Variants in DAB1 observed in about 807,000 individuals in gnomAD.
DAB1 encodes disabled homolog 1.
A neutral mutation model predicts 64.6 loss-of-function variants in DAB1; 15 were observed. The ratio of observed to expected loss-of-function variants is 0.23; its 90% CI spans 0.16 to 0.36. The LOEUF is 0.36. Among genes scored for constraint, DAB1 ranks in the 10% least tolerant of loss-of-function variants. The pLI, the probability that DAB1 is intolerant of heterozygous loss-of-function variation, is 1.00. For synonymous variants in DAB1, 235 were observed against 251.9 expected (o/e 0.93, Z 0.64); for missense variants, 596 against 706.7 (o/e 0.84, Z 1.78).
chr1:57,118,480 G>A (rs1444949666), intron 4 of DAB1, among the ~76,000 whole-genome samples: 2 of 152,108 alleles, frequency 1.3e-5, no homozygotes, highest in African/African-American at 4.8e-5. Flanking sequence ...AACAGACTGG[G>A]AGACTAACAG....
At chr1:57,862,461 C>A (rs1040065912) in intron 1 of DAB1, 1 of 151,802 alleles carries the variant, frequency 6.6e-6, no homozygotes, top group Non-Finnish European at 1.5e-5. Flanking sequence ...TCTAGGAATA[C>A]GAAGGGAGAA....
At chr1:57,816,029 T>C (rs998312914) in intron 6 of DAB1, among the ~76,000 whole-genome samples, 1 of 152,194 alleles carries the variant, frequency 6.6e-6, no homozygotes, top group Non-Finnish European at 1.5e-5. Flanking sequence ...ATCTGGATGA[T>C]ATTGAGGGAG....
At chr1:57,765,031 C>A (rs1649248941) in intron 6 of DAB1, among the ~76,000 whole-genome samples, 2 of 152,084 alleles carry the variant, frequency 1.3e-5, no homozygotes, top group African/African-American at 4.8e-5. Flanking sequence ...TTTTACACAA[C>A]AAATTAGTAA....
At chr1:57,144,325 A>G (rs1025032833) in intron 3 of DAB1, among the ~76,000 whole-genome samples, 1 of 152,150 alleles carries the variant, frequency 6.6e-6, no homozygotes, top group Non-Finnish European at 1.5e-5. Context: ...TATGGACATC[A>G]GAATCTGAGA....
At chr1:57,885,203 C>A (rs1475020361), upstream of DAB1, among the ~76,000 whole-genome samples, 1 of 152,114 alleles carries the variant, frequency 6.6e-6, no homozygotes, top group Non-Finnish European at 1.5e-5. Flanking sequence ...TTAAGCATAG[C>A]TTTTAGTTTT....
intron 5 of DAB1, among the ~76,000 whole-genome samples, chr1:58,004,121 A>C (rs1256716454): frequency 6.6e-6 from 1 of 152,204 alleles, no homozygotes; most frequent in Admixed American, 6.6e-5. Flanking sequence ...GGTGACCAGA[A>C]GTAACACCTC....
intron 3 of DAB1, among the ~76,000 whole-genome samples, chr1:58,493,357 A>T (rs1645734505): frequency 6.6e-6 from 1 of 152,188 alleles, no homozygotes; most frequent in Non-Finnish European, 1.5e-5. Context: ...AAACTGGCAC[A>T]AGACAGGGAT....
At chr1:58,032,446 G>A (rs912574180) in intron 5 of DAB1, among the ~76,000 whole-genome samples, 4 of 152,160 alleles carry the variant, frequency 2.6e-5, no homozygotes, top group Non-Finnish European at 4.4e-5. Context: ...ACAATGCCTG[G>A]CACTTGGGTG....
chr1:57,367,375 T>C (rs1004601155), intron 1 of DAB1, among the ~76,000 whole-genome samples: 63 of 152,120 alleles, frequency 4.1e-4, no homozygotes, highest in African/African-American at 1.4e-3. Flanking sequence ...GCCTTTTTTG[T>C]CTGGGGACCT....
At position 57,929,834 on chromosome 1, in the gene DAB1, G is replaced by T. The variant is rs569502581; in HGVS notation, n.388-45672C>A. ...TAGTGCATACCCCCAGAATTGGTTT[G>T]GTCTTGCAAGAGTGAGAACTCACTT... On this transcript the variant is annotated intron_variant and non_coding_transcript_variant, in intron 5 of 20. Coordinates refer to the DAB1 transcript ENST00000485760. Among the ~76,000 whole-genome samples, 4 of 152,190 alleles carry T rather than the reference G, an allele frequency of 2.6e-5. No homozygotes were observed. The South Asian group carries it at 8.3e-4, about 32-fold the overall frequency.
intron 5 of DAB1, among the ~76,000 whole-genome samples, chr1:57,944,168 T>C (rs1645147058): frequency 6.6e-6 from 1 of 152,132 alleles, no homozygotes; most frequent in African/African-American, 2.4e-5. Context: ...CCCACAGCCA[T>C]CCCACATACT....
chr1:57,897,045 G>A (rs1375609581), intron 5 of DAB1, among the ~76,000 whole-genome samples: 2 of 152,102 alleles, frequency 1.3e-5, no homozygotes, highest in East Asian at 1.9e-4. Context: ...AAGAAACCAT[G>A]GTTTGATCCC....
At chr1:57,156,961 T>C (rs547070221) in intron 2 of DAB1, among the ~76,000 whole-genome samples, 80 of 152,306 alleles carry the variant, frequency 5.3e-4, no homozygotes, top group African/African-American at 1.8e-3. Flanking sequence ...GGGAGTCACC[T>C]TGCAGAAGCT....
intron 6 of DAB1, among the ~76,000 whole-genome samples, chr1:57,686,026 C>G (rs1646693325): frequency 6.6e-6 from 1 of 151,806 alleles, no homozygotes; most frequent in Admixed American, 6.6e-5. Flanking sequence ...CCAACCAACC[C>G]CAAAGCTAGC....
chr1:57,384,340 A>C (rs1466818880), intron 1 of DAB1, among the ~76,000 whole-genome samples: 2 of 152,194 alleles, frequency 1.3e-5, no homozygotes, highest in Non-Finnish European at 2.9e-5. Flanking sequence ...ACTATGGAAA[A>C]CAGTATGACG....
chr1:58,391,202 T>C (rs970090947), intron 3 of DAB1, among the ~76,000 whole-genome samples: 2 of 152,208 alleles, frequency 1.3e-5, no homozygotes, highest in African/African-American at 4.8e-5. Flanking sequence ...GCAAGAGCCG[T>C]AAAGAGAGCT....
chr1:57,683,820 G>C (rs1570734678), intron 6 of DAB1, among the ~76,000 whole-genome samples: 1 of 152,186 alleles, frequency 6.6e-6, no homozygotes, highest in Non-Finnish European at 1.5e-5. Context: ...TGGATGACAA[G>C]GAAGCTCAAT....
At chr1:58,092,119 G>A (rs1374659160) in intron 5 of DAB1, among the ~76,000 whole-genome samples, 2 of 151,892 alleles carry the variant, frequency 1.3e-5, no homozygotes, top group Non-Finnish European at 2.9e-5. Flanking sequence ...GGTGGATCAC[G>A]AGGTCAGGAG....
chr1:57,184,234 C>G (rs950725858), intron 2 of DAB1, among the ~76,000 whole-genome samples: 2 of 152,128 alleles, frequency 1.3e-5, no homozygotes, highest in Admixed American at 1.3e-4. Context: ...CTTTGTGTAC[C>G]ACAGGTGTTT....
Sources: gnomAD v4.1 joint callset for allele counts (sites outside exome capture counted in the v4.1 genomes callset) on GRCh38, gnomAD v4.1.1 for gene constraint, MANE v1.5 for transcripts, NCBI Gene and HGNC (gene_info 2026-07-23, HGNC 2026-07-21) for gene names.